The following PTK2 variants were observed in gnomAD, a reference collection of about 807,000 sequenced individuals.
The protein encoded by PTK2 is focal adhesion kinase 1.
In PTK2, 45 loss-of-function variants were observed where a neutral mutation model predicts 150.1. The observed-to-expected ratio is 0.30, with a 90% CI of 0.24 to 0.38. The LOEUF is 0.38. PTK2 is among the 10% of genes least tolerant of loss of function. The pLI, the probability that PTK2 is intolerant of heterozygous loss-of-function variation, is 1.00. For missense variants in PTK2, 919 were observed against 1,307.3 expected, an observed-to-expected ratio of 0.70 and a Z score of 4.58; for synonymous variants, 432 against 449.2, an observed-to-expected ratio of 0.96 and a Z score of 0.48.
At chr8:140,997,549 G>C (rs1255639124) in intron 1 of PTK2, among the ~76,000 whole-genome samples, 4 of 152,212 alleles carry the variant, frequency 2.6e-5, no homozygotes, top group Admixed American at 6.5e-5. Context: ...CCACCACCCT[G>C]ATTTGTCAGC....
At chr8:140,845,760 T>C (rs1000556693) in intron 7 of PTK2, among the ~76,000 whole-genome samples, 4 of 152,202 alleles carry the variant, frequency 2.6e-5, no homozygotes, top group African/African-American at 7.2e-5. Flanking sequence ...ATAGGGTTTC[T>C]AGCCTCCCAC....
chr8:140,835,389 A>C (rs902036251), intron 7 of PTK2, among the ~76,000 whole-genome samples: 4 of 152,220 alleles, frequency 2.6e-5, no homozygotes, highest in East Asian at 1.9e-4. Flanking sequence ...AAATGCAGCC[A>C]AAACTAACTT....
intron 27 of PTK2, among the ~76,000 whole-genome samples, chr8:140,682,050 CT>C (rs1413911355): frequency 6.6e-6 from 1 of 152,198 alleles, no homozygotes; most frequent in Non-Finnish European, 1.5e-5. Context: ...CATTCTCCCC[CT>C]GCTACATCCA....
intron 14 of PTK2, among the ~76,000 whole-genome samples, chr8:140,772,956 T>C (rs2100076344): frequency 6.6e-6 from 1 of 152,226 alleles, no homozygotes; most frequent in Admixed American, 6.5e-5. Flanking sequence ...TTCTGTTGCT[T>C]AGTTTTCTTA....
At chr8:140,685,518 T>C (rs138098250) in intron 27 of PTK2, among the ~76,000 whole-genome samples, 148 of 152,234 alleles carry the variant, frequency 9.7e-4, no homozygotes, top group African/African-American at 3.4e-3. Flanking sequence ...CCAGCATCTA[T>C]AAGGAACTTA....
At chr8:140,798,964 C>T (rs1438472365) in intron 12 of PTK2, among the ~76,000 whole-genome samples, 2 of 152,164 alleles carry the variant, frequency 1.3e-5, no homozygotes, top group East Asian at 3.8e-4. Context: ...CTGAAAGCAA[C>T]TTCATTACTC....
chr8:140,722,201 G>T (rs2100043284), intron 22 of PTK2, among the ~76,000 whole-genome samples: 1 of 152,134 alleles, frequency 6.6e-6, no homozygotes, highest in Admixed American at 6.6e-5. Flanking sequence ...TCAAACTCCT[G>T]GGCTCAAGTG....
At chr8:140,791,994 A>G (rs1040408121) in intron 13 of PTK2, among the ~76,000 whole-genome samples, 1 of 152,166 alleles carries the variant, frequency 6.6e-6, no homozygotes, top group African/African-American at 2.4e-5. Context: ...TTAATTAGGA[A>G]AGCTTCCTCA....
chr8:140,755,821 C>T (rs2100065350), intron 16 of PTK2, among the ~76,000 whole-genome samples: 2 of 152,096 alleles, frequency 1.3e-5, no homozygotes, highest in East Asian at 1.9e-4. Flanking sequence ...AATGGTTGGT[C>T]CTTGCCCATG....
chr8:140,848,463 G>A (rs200663746), intron 5 of PTK2, among the ~76,000 whole-genome samples: 3 of 1,008 alleles, frequency 3.0e-3, no homozygotes, highest in African/African-American at 4.6e-3. Context: ...ATGCATAAAC[G>A]AATGAACAAA....
chr8:140,813,258 T>G (rs946537363), intron 10 of PTK2, among the ~76,000 whole-genome samples: 6 of 151,302 alleles, frequency 4.0e-5, no homozygotes, highest in African/African-American at 1.5e-4. Context: ...ATATGGAAAT[T>G]GAATAAACTG....
Position 140,942,770 on chromosome 8 carries a change from G to A in PTK2, c.-121-17021C>T, listed in dbSNP as rs562390130. On this transcript the variant is annotated intron_variant, in intron 1 of 31. Coordinates refer to ENST00000522684, the Ensembl canonical transcript of PTK2. The stretch of plus-strand genomic sequence containing the variant: ...ACAATAAAAACATCAGGTGGATGGT[G>A]ATAAGGACTGGATCTGTTTCCCAGC... Among the ~76,000 whole-genome samples, 5 of 152,300 alleles carry A rather than the reference G, an allele frequency of 3.3e-5. No individual in the cohort carries two copies. The South Asian group carries it at 8.3e-4, about 25-fold the overall frequency.
At chr8:140,982,084 T>A (rs1432330380) in intron 1 of PTK2, among the ~76,000 whole-genome samples, 71 of 110,958 alleles carry the variant, frequency 6.4e-4, no homozygotes, top group African/African-American at 1.9e-3. Context: ...AAAAAAAAAA[T>A]GACTCAGTTA....
intron 10 of PTK2, among the ~76,000 whole-genome samples, chr8:140,806,560 G>A (rs897220914): frequency 6.6e-6 from 1 of 152,026 alleles, no homozygotes; most frequent in Admixed American, 6.6e-5. Flanking sequence ...TCTAGGTTAT[G>A]GAAATTATAT....
intron 7 of PTK2, among the ~76,000 whole-genome samples, chr8:140,834,745 A>G (rs563728588): frequency 6.6e-6 from 1 of 152,342 alleles, no homozygotes; most frequent in African/African-American, 2.4e-5. Context: ...ACACTTAGCC[A>G]TCGAGATTTA....
intron 16 of PTK2, among the ~76,000 whole-genome samples, chr8:140,756,312 G>A (rs1215195065): frequency 1.4e-5 from 2 of 147,594 alleles, no homozygotes; most frequent in Non-Finnish European, 3.0e-5. Context: ...AACAGAGCAA[G>A]GCTCCATCTC....
chr8:140,971,933 A>G (rs544836198), intron 1 of PTK2, among the ~76,000 whole-genome samples: 24 of 152,366 alleles, frequency 1.6e-4, no homozygotes, highest in Admixed American at 2.0e-4. Flanking sequence ...CTGCAATGCA[A>G]TAACATGCTA....
At chr8:140,669,533 C>A (rs2094480640) in intron 29 of PTK2, 194 bp downstream of exon 33, 1 of 554,172 alleles carries the variant, frequency 1.8e-6, no homozygotes, top group Non-Finnish European at 3.1e-6. Flanking sequence ...AATTCATTTA[C>A]TGCAAAGATG....
chr8:140,896,004 A>G (rs1212502967), intron 2 of PTK2, among the ~76,000 whole-genome samples: 2 of 152,178 alleles, frequency 1.3e-5, no homozygotes, highest in Non-Finnish European at 2.9e-5. Context: ...AAAACTAGCA[A>G]CATCAAAAAT....
Sources: gnomAD v4.1 joint callset for allele counts (sites outside exome capture counted in the v4.1 genomes callset) on GRCh38, gnomAD v4.1.1 for gene constraint, MANE v1.5 for transcripts, NCBI Gene and HGNC (gene_info 2026-07-23, HGNC 2026-07-21) for gene names.